The following GPR176 variants were observed in gnomAD, a reference collection of about 807,000 sequenced individuals.
GPR176 encodes the protein G-protein coupled receptor 176.
A neutral mutation model predicts 35.4 loss-of-function variants in GPR176; 26 were observed. The ratio of observed to expected loss-of-function variants is 0.74; its 90% CI spans 0.54 to 1.02. The LOEUF is 1.02. Among genes scored for constraint, GPR176 ranks in the 50% least tolerant of loss-of-function variants. The pLI, the probability that GPR176 is intolerant of heterozygous loss-of-function variation, is 0.00. For synonymous variants in GPR176, 278 were observed against 271.3 expected (o/e 1.02, Z -0.24); for missense variants, 597 against 665.3 (o/e 0.90, Z 1.13).
chr15:39,869,490 A>C (rs992598489), intron 1 of GPR176, among the ~76,000 whole-genome samples: 7 of 152,172 alleles, frequency 4.6e-5, no homozygotes, highest in African/African-American at 1.7e-4. Context: ...GCCCTGAGCC[A>C]TCAATCCTCC....
intron 1 of GPR176, among the ~76,000 whole-genome samples, chr15:39,848,287 T>C (rs1242793995): frequency 6.6e-6 from 1 of 152,180 alleles, no homozygotes; most frequent in African/African-American, 2.4e-5. Context: ...TAATCCTAAA[T>C]GTATATGCAT....
At chr15:39,811,796 G>T (rs970689010) in intron 1 of GPR176, among the ~76,000 whole-genome samples, 1 of 152,002 alleles carries the variant, frequency 6.6e-6, no homozygotes, top group African/African-American at 2.4e-5. Context: ...GGTGCCTGTA[G>T]TCCCAGCTAC....
intron 1 of GPR176, among the ~76,000 whole-genome samples, chr15:39,906,710 A>C (rs147151754): frequency 6.6e-6 from 1 of 152,302 alleles, no homozygotes; most frequent in East Asian, 1.9e-4. Context: ...ACTTTAGTTC[A>C]CTGGGCATGG....
At chr15:39,847,411 TGA>T (rs1595475356) in intron 1 of GPR176, among the ~76,000 whole-genome samples, 1 of 151,882 alleles carries the variant, frequency 6.6e-6, no homozygotes, top group East Asian at 1.9e-4. Flanking sequence ...ATATACAGGT[TGA>T]AAGTAAAAGG....
At chr15:39,826,738 T>G (rs554761620) in intron 1 of GPR176, among the ~76,000 whole-genome samples, 2 of 152,334 alleles carry the variant, frequency 1.3e-5, no homozygotes, top group South Asian at 4.1e-4. Context: ...AGCTGCTTCT[T>G]CAGCTCTTGC....
chr15:39,872,911 C>CTG (rs6145533), intron 1 of GPR176, among the ~76,000 whole-genome samples: 1,447 of 141,388 alleles, frequency 0.01, 5 homozygotes, highest in Non-Finnish European at 0.016. Context: ...TCCAAAATAT[C>CTG]TGTGTGTGTG....
intron 1 of GPR176, among the ~76,000 whole-genome samples, chr15:39,823,157 A>C (rs150943972): frequency 6.6e-6 from 1 of 152,128 alleles, no homozygotes; most frequent in Non-Finnish European, 1.5e-5. Context: ...TCTTCTCTAG[A>C]CTATTTTAGG....
intron 1 of GPR176, among the ~76,000 whole-genome samples, chr15:39,847,880 C>T (rs2030561352): frequency 1.3e-5 from 2 of 151,882 alleles, no homozygotes; most frequent in African/African-American, 2.4e-5. Flanking sequence ...AATTGGTTCA[C>T]AGTTCTGCAG....
intron 1 of GPR176, among the ~76,000 whole-genome samples, chr15:39,881,991 T>C (rs538620381): frequency 1.3e-5 from 2 of 152,308 alleles, no homozygotes; most frequent in East Asian, 3.9e-4. Context: ...TTTCATAACA[T>C]TTTCAAACTA....
chr15:39,861,080 A>G (rs2031558804), intron 1 of GPR176, among the ~76,000 whole-genome samples: 1 of 152,192 alleles, frequency 6.6e-6, no homozygotes, highest in Non-Finnish European at 1.5e-5. Flanking sequence ...TAAACAATCT[A>G]GAGTTAACAA....
In GPR176 at chr15:39,916,906, G is replaced by A. The variant is rs188330218; in HGVS notation, c.172+2949C>T. On this transcript the variant is annotated intron_variant, in intron 1 of 2. Transcript: ENST00000561100. ...CATGGCTTTGAAACTTAAGCTCTGAGCCTCAACAGACATTATCAGAATTCT... is the reference window on the plus strand; with the variant it reads ...CATGGCTTTGAAACTTAAGCTCTGAACCTCAACAGACATTATCAGAATTCT... 3.3e-3 allele frequency among the ~76,000 whole-genome samples: 507 copies of A among 152,212 alleles called. 5 individuals carry two copies. Among genetic ancestry groups the A allele is most frequent in the Non-Finnish European group, 3.8e-3 (261 of 68,020 alleles).
intron 2 of GPR176, among the ~76,000 whole-genome samples, chr15:39,804,455 C>A (rs1363693514): frequency 6.6e-6 from 1 of 152,120 alleles, no homozygotes; most frequent in Non-Finnish European, 1.5e-5. Flanking sequence ...GATAAATTTA[C>A]AATAGCTTTT....
At chr15:39,912,943 T>C (rs1044557193) in intron 1 of GPR176, among the ~76,000 whole-genome samples, 4 of 152,172 alleles carry the variant, frequency 2.6e-5, no homozygotes, top group African/African-American at 9.7e-5. Context: ...GATATAGCAA[T>C]TTCACTCCTA....
Position 39,799,310 on chromosome 15 carries a change from G to A in GPR176, c.*1822C>T, listed in dbSNP as rs1203228580. ...TGTGAAAGCTTTGAAAGACAAGCTTGAAGGGCCACAGCATTGACTATCAGG... is the reference window on the plus strand; with the variant it reads ...TGTGAAAGCTTTGAAAGACAAGCTTAAAGGGCCACAGCATTGACTATCAGG... On this transcript the variant is annotated 3_prime_UTR_variant, in exon 3 of 3. Coordinates refer to ENST00000561100, the MANE Select transcript of GPR176 (RefSeq NM_007223.3). The A allele has an allele frequency of 2.0e-5, 3 of 152,238 alleles. No individual in the cohort carries two copies. The highest frequency in any genetic ancestry group is 7.2e-5 in the African/African-American group (3 of 41,460). The allele number at this position is 152,238 out of a possible 1,614,324, so 9.4% of individuals were successfully genotyped here. A position where few individuals can be genotyped will look rare whatever the true frequency, so the allele number is the denominator to read the frequency against.
At chr15:39,860,027 T>C (rs74008978) in intron 1 of GPR176, among the ~76,000 whole-genome samples, 3,556 of 151,948 alleles carry the variant, frequency 0.023, 178 homozygotes, top group African/African-American at 0.079. Flanking sequence ...TTCTTCAAAT[T>C]ACAGAAATTA....
intron 1 of GPR176, among the ~76,000 whole-genome samples, chr15:39,839,980 C>A: frequency 6.6e-6 from 1 of 152,164 alleles, no homozygotes; most frequent in East Asian, 1.9e-4. Flanking sequence ...AGTCAGGAAA[C>A]AACAGATGCT....
chr15:39,835,554 C>A (rs1901346169), intron 1 of GPR176, among the ~76,000 whole-genome samples: 2 of 152,064 alleles, frequency 1.3e-5, no homozygotes, highest in Non-Finnish European at 2.9e-5. Flanking sequence ...CTCATTATTC[C>A]ACCATCCCGA....
In GPR176 at chr15:39,819,296, TCTTC is replaced by T. The variant is rs1275870212; in HGVS notation, c.173-12042_173-12039del. Among the ~76,000 whole-genome samples, 10 of 152,290 alleles carry T rather than the reference TCTTC, an allele frequency of 6.6e-5. No individual in the cohort carries two copies. The East Asian group carries it at 1.9e-3, about 29-fold the overall frequency. On this transcript the variant is annotated intron_variant, in intron 1 of 2. Coordinates refer to ENST00000561100, the MANE Select transcript of GPR176 (RefSeq NM_007223.3). The stretch of plus-strand genomic sequence containing the variant: ...ACTCATGCAAAAGGCAGGGTCCATA[TCTTC>T]TGCACCATTCACATTGCACTTAGGC...
At chr15:39,840,212 C>T (rs1407759848) in intron 1 of GPR176, among the ~76,000 whole-genome samples, 4 of 152,022 alleles carry the variant, frequency 2.6e-5, no homozygotes, top group Non-Finnish European at 4.4e-5. Context: ...ATTCACAATG[C>T]CAAAGACCTG....
Sources: gnomAD v4.1 joint callset for allele counts (sites outside exome capture counted in the v4.1 genomes callset) on GRCh38, gnomAD v4.1.1 for gene constraint, MANE v1.5 for transcripts, NCBI Gene and HGNC (gene_info 2026-07-23, HGNC 2026-07-21) for gene names.